Variants in PTPRD observed in about 807,000 individuals in gnomAD.
PTPRD encodes protein tyrosine phosphatase receptor type D.
A neutral mutation model predicts 214.5 loss-of-function variants in PTPRD; 34 were observed. The ratio of observed to expected loss-of-function variants is 0.16; its 90% CI spans 0.12 to 0.21. The LOEUF (loss-of-function observed/expected upper bound fraction) is 0.21. Among genes scored for constraint, PTPRD ranks in the 10% least tolerant of loss-of-function variants. The pLI, the probability that PTPRD is intolerant of heterozygous loss-of-function variation, is 1.00. For missense variants in PTPRD, 2,545 were observed against 2,398.7 expected, an observed-to-expected ratio of 1.06 and a Z score of -1.27; for synonymous variants, 1,128 against 845.7, an observed-to-expected ratio of 1.33 and a Z score of -5.79.
intron 39 of PTPRD, among the ~76,000 whole-genome samples, chr9:8,353,765 G>A (rs2076142947): frequency 6.7e-6 from 1 of 150,350 alleles, no homozygotes; most frequent in African/African-American, 2.5e-5. Flanking sequence ...TAACCCTTTT[G>A]CCTACTCACA....
intron 6 of PTPRD, among the ~76,000 whole-genome samples, chr9:9,740,503 G>A (rs1391243406): frequency 1.4e-5 from 2 of 143,230 alleles, no homozygotes; most frequent in Non-Finnish European, 3.0e-5. Flanking sequence ...GACTATAGGC[G>A]CCCGCCACCA....
intron 9 of PTPRD, among the ~76,000 whole-genome samples, chr9:9,375,481 A>T (rs1043927731): frequency 6.6e-6 from 1 of 152,138 alleles, no homozygotes; most frequent in African/African-American, 2.4e-5. Context: ...CTGTAATCCC[A>T]GCTACTCGGG....
chr9:9,988,111 A>G (rs2095786612), intron 4 of PTPRD, among the ~76,000 whole-genome samples: 1 of 152,194 alleles, frequency 6.6e-6, no homozygotes, highest in Admixed American at 6.5e-5. Context: ...TAAATTTATC[A>G]TAACTCTTAT....
intron 9 of PTPRD, among the ~76,000 whole-genome samples, chr9:9,339,195 A>G (rs2045792294): frequency 6.6e-6 from 1 of 152,008 alleles, no homozygotes; most frequent in South Asian, 2.1e-4. Flanking sequence ...GCTAGGTGAG[A>G]GGCTAGGCGC....
chr9:10,110,975 T>C (rs552621461), intron 3 of PTPRD, among the ~76,000 whole-genome samples: 2 of 152,240 alleles, frequency 1.3e-5, no homozygotes, highest in East Asian at 1.9e-4. Context: ...GGATTTTTGA[T>C]TTGGGGATAA....
intron 2 of PTPRD, among the ~76,000 whole-genome samples, chr9:10,382,731 A>G (rs2097847730): frequency 1.3e-5 from 2 of 151,952 alleles, no homozygotes; most frequent in South Asian, 4.1e-4. Flanking sequence ...GGAAACCCTA[A>G]GATATCTATT....
chr9:8,454,170 C>T (rs1199825809), intron 33 of PTPRD, among the ~76,000 whole-genome samples: 1 of 152,098 alleles, frequency 6.6e-6, no homozygotes, highest in Non-Finnish European at 1.5e-5. Flanking sequence ...TGTGAAAATG[C>T]TAATATCATT....
At chr9:9,114,649 C>T (rs913626562) in intron 10 of PTPRD, among the ~76,000 whole-genome samples, 4 of 152,048 alleles carry the variant, frequency 2.6e-5, no homozygotes, top group African/African-American at 9.7e-5. Flanking sequence ...GCCTCCCTTC[C>T]CCCGACAAAG....
intron 9 of PTPRD, among the ~76,000 whole-genome samples, chr9:9,310,596 A>G (rs1035789856): frequency 3.3e-5 from 5 of 152,164 alleles, no homozygotes; most frequent in Admixed American, 3.3e-4. Context: ...TTGAATGCCT[A>G]CTATATGTAA....
At chr9:9,395,977 A>G (rs2067652786) in intron 9 of PTPRD, among the ~76,000 whole-genome samples, 1 of 152,040 alleles carries the variant, frequency 6.6e-6, no homozygotes, top group Non-Finnish European at 1.5e-5. Flanking sequence ...ATTTTTGTAA[A>G]ATCTTGTATT....
At chr9:8,844,066 G>T (rs78625560) in intron 11 of PTPRD, among the ~76,000 whole-genome samples, 2 of 152,106 alleles carry the variant, frequency 1.3e-5, no homozygotes, top group Admixed American at 6.6e-5. Flanking sequence ...TCATCCAGAC[G>T]TATGGAAACA....
intron 4 of PTPRD, among the ~76,000 whole-genome samples, chr9:10,011,613 T>TTG (rs2096601544): frequency 6.6e-6 from 1 of 151,928 alleles, no homozygotes; most frequent in Non-Finnish European, 1.5e-5. Context: ...TAGATAATAT[T>TTG]TGTGTTTTTG....
At chr9:10,441,286 T>C (rs2098756729) in intron 2 of PTPRD, among the ~76,000 whole-genome samples, 1 of 151,730 alleles carries the variant, frequency 6.6e-6, no homozygotes, top group South Asian at 2.1e-4. Flanking sequence ...CCTGATTTGA[T>C]CTGTATTTAT....
chr9:10,182,165 C>T (rs1167320622), intron 3 of PTPRD, among the ~76,000 whole-genome samples: 1 of 140,766 alleles, frequency 7.1e-6, no homozygotes, highest in Non-Finnish European at 1.5e-5. Flanking sequence ...GAGGCTGAGG[C>T]AGGAGAATCG....
intron 2 of PTPRD, among the ~76,000 whole-genome samples, chr9:10,523,622 T>TATATATATATATATATATAG (rs554367559): frequency 7.6e-6 from 1 of 131,384 alleles, no homozygotes; most frequent in African/African-American, 2.8e-5. Flanking sequence ...TATATATATA[T>TATATATATATATATATATAG]AGACAGAAAG....
At chr9:9,525,178 A>C (rs1023961326) in intron 8 of PTPRD, among the ~76,000 whole-genome samples, 1 of 152,144 alleles carries the variant, frequency 6.6e-6, no homozygotes, top group Admixed American at 6.5e-5. Context: ...TTTTATAGAA[A>C]CTGAATATCA....
At chr9:8,424,724 A>T (rs2094554501) in intron 35 of PTPRD, among the ~76,000 whole-genome samples, 1 of 152,200 alleles carries the variant, frequency 6.6e-6, no homozygotes, top group African/African-American at 2.4e-5. Context: ...GGGGAATAAA[A>T]GAATGAGTGA....
At chr9:9,525,695 A>T (rs1431320176) in intron 8 of PTPRD, among the ~76,000 whole-genome samples, 1 of 152,134 alleles carries the variant, frequency 6.6e-6, no homozygotes, top group Non-Finnish European at 1.5e-5. Flanking sequence ...TATAGTAAAT[A>T]ATAAAAATAA....
intron 11 of PTPRD, among the ~76,000 whole-genome samples, chr9:8,853,207 T>C (rs1330812018): frequency 6.6e-6 from 1 of 152,174 alleles, no homozygotes; most frequent in African/African-American, 2.4e-5. Flanking sequence ...GATGGCATTA[T>C]TATTTAGGTT....
Sources: allele counts gnomAD v4.1 joint callset (sites outside exome capture counted in the v4.1 genomes callset), GRCh38; gene constraint gnomAD v4.1.1; transcripts MANE v1.5; gene names NCBI Gene and HGNC (gene_info 2026-07-23, HGNC 2026-07-21).